The following UMODL1 variants were observed in gnomAD, a reference collection of about 807,000 sequenced individuals.
The protein encoded by UMODL1 is uromodulin-like 1.
Under a neutral mutation model 136.3 loss-of-function variants are expected in UMODL1, and 128 were observed. The observed-to-expected ratio is 0.94, with a 90% confidence interval of 0.81 to 1.09. The LOEUF (loss-of-function observed/expected upper bound fraction) is 1.09. Among genes scored for constraint, UMODL1 ranks in the 50% least tolerant of loss-of-function variants. The pLI, the probability that UMODL1 is intolerant of heterozygous loss-of-function variation, is 0.00. For synonymous variants in UMODL1, 721 were observed against 720.0 expected, an observed-to-expected ratio of 1.00 and a Z score of -0.02; for missense variants, 1,766 against 1,725.6, an observed-to-expected ratio of 1.02 and a Z score of -0.41.
intron 2 of UMODL1, among the ~76,000 whole-genome samples, chr21:42,083,215 C>T (rs534543120): frequency 1.2e-3 from 177 of 152,310 alleles, no homozygotes; most frequent in African/African-American, 4.1e-3. Context: ...TGGACATGTC[C>T]GACTTCACAT....
intron 22 of UMODL1, among the ~76,000 whole-genome samples, chr21:42,141,818 C>T (rs1428844820): frequency 1.3e-5 from 2 of 152,124 alleles, no homozygotes; most frequent in Non-Finnish European, 1.5e-5. Flanking sequence ...CAGCTGTGCT[C>T]GTCTGGCTCA....
intron 14 of UMODL1, among the ~76,000 whole-genome samples, chr21:42,117,626 C>A (rs897771809): frequency 6.6e-5 from 10 of 152,174 alleles, no homozygotes; most frequent in Admixed American, 3.3e-4. Flanking sequence ...ACCTAGTGGC[C>A]TGTCGTGGTA....
At position 42,099,408 on chromosome 21, in the gene UMODL1, AG is replaced by A. The variant is rs2066599931; in HGVS notation, c.1186+232del. Among the ~76,000 whole-genome samples, 1 of 152,062 alleles carries A rather than the reference AG, an allele frequency of 6.6e-6. No individual in the cohort carries two copies. Among genetic ancestry groups the A allele is most frequent in the South Asian group, 2.1e-4 (1 of 4,816 alleles). The stretch of plus-strand genomic sequence containing the variant: ...TCGCTTCCCTACATGTCGTCCTGTT[AG>A]GGGTTCGTTCTGCCGTGTGAGGGGA... On this transcript the variant is annotated intron_variant, in intron 7 of 22. Transcript: ENST00000408910. The surrounding 1 kb of genome is among the most constrained non-coding windows in gnomAD (Gnocchi z 4.1).
intron 11 of UMODL1, 47 bp from the exon 12 acceptor site, chr21:42,111,459 G>A: frequency 6.2e-7 from 1 of 1,613,916 alleles, no homozygotes; most frequent in Non-Finnish European, 8.5e-7. Context: ...TCAACCCACA[G>A]CTTCCCTCCT....
chr21:42,106,679 C>T (rs892836305), intron 9 of UMODL1, among the ~76,000 whole-genome samples: 5 of 152,218 alleles, frequency 3.3e-5, no homozygotes, highest in South Asian at 2.1e-4. Context: ...CCGCCCCCCG[C>T]GCCTATGAGT....
chr21:42,069,781 A>G (rs77058918), upstream of UMODL1, among the ~76,000 whole-genome samples: 156 of 152,350 alleles, frequency 1.0e-3, 1 homozygote, highest in African/African-American at 3.5e-3. Flanking sequence ...TATACAAGAT[A>G]ATACAAATTC....
chr21:42,091,636 A>C (rs1452195998), intron 6 of UMODL1, among the ~76,000 whole-genome samples: 1 of 152,258 alleles, frequency 6.6e-6, no homozygotes, highest in Non-Finnish European at 1.5e-5. Context: ...AGGAAAAAGG[A>C]AAGAAGACGG....
intron 12 of UMODL1, among the ~76,000 whole-genome samples, chr21:42,112,111 A>C (rs1601241435): frequency 7.8e-6 from 1 of 127,798 alleles, no homozygotes; most frequent in African/African-American, 2.7e-5. Context: ...TGACACCCCC[A>C]CAACAACTCT....
At chr21:42,134,101 A>G (rs748025659) in intron 21 of UMODL1, among the ~76,000 whole-genome samples, 1 of 152,130 alleles carries the variant, frequency 6.6e-6, no homozygotes, top group South Asian at 2.1e-4. Flanking sequence ...TTGTATTTTC[A>G]GTAGAGATGG....
At chr21:42,088,221 G>A in intron 4 of UMODL1, 73 bp from the exon 5 acceptor site, 3 of 1,522,628 alleles carry the variant, frequency 2.0e-6, no homozygotes, top group South Asian at 2.4e-5. Flanking sequence ...TTTCAGCTCT[G>A]CGGGCCTCAG....
chr21:42,111,917 C>T (rs1454977184), intron 12 of UMODL1, among the ~76,000 whole-genome samples: 1 of 152,112 alleles, frequency 6.6e-6, no homozygotes, highest in Non-Finnish European at 1.5e-5. Context: ...CTTGCCTGTC[C>T]CAGATCTCTC....
intron 2 of UMODL1, among the ~76,000 whole-genome samples, chr21:42,081,427 G>T (rs2066360854): frequency 6.6e-6 from 1 of 152,192 alleles, no homozygotes; most frequent in African/African-American, 2.4e-5. Context: ...TTGAGTTAGG[G>T]ACGAAGGAGA....
At chr21:42,066,365 C>A (rs568578858), upstream of UMODL1, among the ~76,000 whole-genome samples, 1 of 152,244 alleles carries the variant, frequency 6.6e-6, no homozygotes, top group Non-Finnish European at 1.5e-5. Context: ...TCACTGCAAC[C>A]TCCACCTCCT....
At chr21:42,069,530 C>T (rs556929531), upstream of UMODL1, among the ~76,000 whole-genome samples, 7 of 152,074 alleles carry the variant, frequency 4.6e-5, no homozygotes, top group South Asian at 1.0e-3. Context: ...TGAAGAACTG[C>T]GGCTTGAGGC....
At chr21:42,088,815 G>C (rs2066458152) in intron 5 of UMODL1, among the ~76,000 whole-genome samples, 1 of 151,838 alleles carries the variant, frequency 6.6e-6, no homozygotes, top group African/African-American at 2.4e-5. Flanking sequence ...GTGGACACTG[G>C]AGTGCAAATC....
At chr21:42,063,031 C>T (rs1376357266) in exon 1 of UMODL1, 1 of 152,298 alleles carries the variant, frequency 6.6e-6, no homozygotes, top group Non-Finnish European at 1.5e-5. Context: ...TGAGCCCTTC[C>T]TGGCATCCCG....
chr21:42,130,191 A>C (rs1339630105), intron 21 of UMODL1, among the ~76,000 whole-genome samples: 5 of 152,042 alleles, frequency 3.3e-5, no homozygotes, highest in Non-Finnish European at 2.9e-5. Context: ...TTAAGAGATA[A>C]GAACTCAAGC....
At position 42,121,129 on chromosome 21, in the gene UMODL1, G is replaced by A. The variant is rs747256808; in HGVS notation, c.2732G>A (p.Gly911Glu). 6.2e-7 allele frequency: 1 copy of A among 1,614,074 alleles called. No individual in the cohort carries two copies. The highest frequency in any genetic ancestry group is 2.2e-5 in the East Asian group (1 of 44,884). ...AGGAAGGAGGACGACTGTGTGCCGG[G>A]GACATCCTGTCGAAACACCCTCGGG... Reference protein sequence around the residue: ...CERKEDDCVPGTSCRNTLGSF... With the variant: ...CERKEDDCVPETSCRNTLGSF... The change falls in exon 16 of 23, where the codon GGG (glycine) becomes GAG (glutamate). Residue 911 changes from glycine to glutamate, a missense_variant. Transcript: ENST00000408910.
chr21:42,103,680 G>C lies in UMODL1; in HGVS notation c.1300-188G>C, dbSNP rs775943849. ...CACCAGGCCAGGCCCGGCCGTCCCAGGGAAAGCCCAGCTAAGGTGCTGTGA... is the reference window on the plus strand; with the variant it reads ...CACCAGGCCAGGCCCGGCCGTCCCACGGAAAGCCCAGCTAAGGTGCTGTGA... On this transcript the variant is annotated intron_variant, in intron 8 of 22. Coordinates refer to ENST00000408910, the MANE Select transcript of UMODL1 (RefSeq NM_001004416.3). The C allele has an allele frequency of 1.1e-5, 8 of 746,550 alleles. No homozygotes were observed. The South Asian group carries it at 1.2e-4, about 11-fold the overall frequency. 46.2% of individuals were successfully genotyped at this position (746,550 alleles called of 1,614,324 possible). A position where few individuals can be genotyped will look rare whatever the true frequency, so the allele number is the denominator to read the frequency against.
Sources: allele counts gnomAD v4.1 joint callset (sites outside exome capture counted in the v4.1 genomes callset), GRCh38; gene constraint gnomAD v4.1.1; non-coding constraint Gnocchi (gnomAD v3.1); transcripts MANE v1.5; gene names NCBI Gene and HGNC (gene_info 2026-07-23, HGNC 2026-07-21).